The following RAPGEF2 variants were observed in gnomAD, a reference collection of about 807,000 sequenced individuals.
The protein encoded by RAPGEF2 is PDZ domain containing guanine nucleotide exchange factor (GEF) 1.
A neutral mutation model predicts 186.7 loss-of-function variants in RAPGEF2; 54 were observed. The ratio of observed to expected loss-of-function variants is 0.29; its 90% CI spans 0.23 to 0.36. The LOEUF is 0.36. Ranked by LOEUF, RAPGEF2 falls within the 10% of genes least tolerant of loss-of-function variation. The pLI, the probability that RAPGEF2 is intolerant of heterozygous loss-of-function variation, is 1.00. For synonymous variants in RAPGEF2, 712 were observed against 705.9 expected, an observed-to-expected ratio of 1.01 and a Z score of -0.14; for missense variants, 1,532 against 2,045.0, an observed-to-expected ratio of 0.75 and a Z score of 4.84.
rs376068202 is a variant in RAPGEF2 at position 159,296,893 on chromosome 4, C to T, written c.544-7449C>T. On this transcript the variant is annotated intron_variant, in intron 7 of 29. Coordinates refer to ENST00000691494, the MANE Select transcript of RAPGEF2 (RefSeq NM_001394067.2). Reference sequence around the variant, plus strand: ...TTTCTTTGAACATTCAATGGAAAAACCCTCCTAAAAGTATTTGCTTTGAAA... The same window carrying T: ...TTTCTTTGAACATTCAATGGAAAAATCCTCCTAAAAGTATTTGCTTTGAAA... Among the ~76,000 whole-genome samples the T allele has an allele frequency of 3.9e-5, 6 of 152,278 alleles. No individual in the cohort carries two copies. In the South Asian group the frequency reaches 8.3e-4, roughly 21 times the overall value.
chr4:159,302,338 A>AT (rs11412701), intron 7 of RAPGEF2, among the ~76,000 whole-genome samples: 92,571 of 151,846 alleles, frequency 0.61, 29,305 homozygotes, highest in African/African-American at 0.74. Context: ...TGACACGTTA[A>AT]TTTTTTTAAA....
chr4:159,317,836 T>C (rs2111128353), intron 9 of RAPGEF2, among the ~76,000 whole-genome samples: 1 of 152,374 alleles, frequency 6.6e-6, no homozygotes, highest in African/African-American at 2.4e-5. Context: ...ACGTTGCCTA[T>C]GAATAGATTG....
At chr4:159,152,689 C>T (rs938941176) in intron 1 of RAPGEF2, among the ~76,000 whole-genome samples, 1 of 152,186 alleles carries the variant, frequency 6.6e-6, no homozygotes, top group Non-Finnish European at 1.5e-5. Flanking sequence ...ACAATCTCGG[C>T]TCACTGCAAG....
At chr4:159,127,112 C>T (rs752038895) in intron 1 of RAPGEF2, among the ~76,000 whole-genome samples, 10 of 152,096 alleles carry the variant, frequency 6.6e-5, no homozygotes, top group African/African-American at 2.2e-4. Context: ...CTACAACCTC[C>T]GCCTCCTGGG....
At chr4:159,163,847 CA>C (rs1744976761) in intron 1 of RAPGEF2, among the ~76,000 whole-genome samples, 1 of 152,132 alleles carries the variant, frequency 6.6e-6, no homozygotes, top group Non-Finnish European at 1.5e-5. Flanking sequence ...AAAATCACAT[CA>C]GGGGTCTGTC....
chr4:159,118,211 C>T (rs1167793466), intron 1 of RAPGEF2, among the ~76,000 whole-genome samples: 9 of 152,124 alleles, frequency 5.9e-5, no homozygotes, highest in Admixed American at 5.9e-4. Context: ...CTGAGCTCCG[C>T]CTCCTGTCAG....
In RAPGEF2 at chr4:159,345,126, C is replaced by G; in HGVS notation, c.3299C>G (p.Thr1100Arg). The G allele has an allele frequency of 6.2e-7, 1 of 1,614,050 alleles. No homozygotes were observed. Among genetic ancestry groups the G allele is most frequent in the Non-Finnish European group, 8.5e-7 (1 of 1,179,940 alleles). The change falls in exon 24 of 30, where the codon ACA (threonine) becomes AGA (arginine). Residue 1100 changes from threonine (T) to arginine (R), a missense_variant. Thr to Arg is a moderately conservative substitution (Grantham distance 71). Around this residue, in one of 4 missense-constraint regions of RAPGEF2, gnomAD observed 117 missense variants for 180.8 expected, o/e 0.65. Coordinates refer to ENST00000691494, the MANE Select transcript of RAPGEF2 (RefSeq NM_001394067.2). ...TCCAGGTCTCTCAGCCAGGGTAGTACAAATGCAACAGTGCTAGATGTTGCT... is the reference window on the plus strand; with the variant it reads ...TCCAGGTCTCTCAGCCAGGGTAGTAGAAATGCAACAGTGCTAGATGTTGCT... ...RSLGSLSQGS[T>R]NATVLDVAQT...
intron 1 of RAPGEF2, among the ~76,000 whole-genome samples, chr4:159,158,640 CA>C (rs1236063690): frequency 2.7e-5 from 4 of 150,312 alleles, no homozygotes; most frequent in South Asian, 2.1e-4. Flanking sequence ...TGGTCGCAAA[CA>C]AAAAAAAAGT....
intron 7 of RAPGEF2, among the ~76,000 whole-genome samples, chr4:159,271,839 C>T (rs965225244): frequency 2.6e-5 from 4 of 152,174 alleles, no homozygotes; most frequent in South Asian, 2.1e-4. Context: ...ATAAAACTTT[C>T]ATTGCTTGGC....
chr4:159,285,886 C>T (rs1334569874), intron 7 of RAPGEF2, among the ~76,000 whole-genome samples: 1 of 151,944 alleles, frequency 6.6e-6, no homozygotes, highest in Admixed American at 6.6e-5. Context: ...AAAGTTTTGC[C>T]CACAAAATGA....
intron 4 of RAPGEF2, among the ~76,000 whole-genome samples, chr4:159,225,923 A>G (rs900820078): frequency 6.6e-6 from 1 of 152,188 alleles, no homozygotes; most frequent in African/African-American, 2.4e-5. Flanking sequence ...CTCCTAATCT[A>G]ACATGTGCCT....
At chr4:159,318,953 T>C (rs915632197) in intron 9 of RAPGEF2, among the ~76,000 whole-genome samples, 5 of 152,200 alleles carry the variant, frequency 3.3e-5, no homozygotes, top group Admixed American at 2.6e-4. Flanking sequence ...TAGTGTATCA[T>C]TCTAATAGGT....
intron 7 of RAPGEF2, among the ~76,000 whole-genome samples, chr4:159,293,588 G>A (rs1761524519): frequency 6.6e-6 from 1 of 152,188 alleles, no homozygotes; most frequent in Non-Finnish European, 1.5e-5. Flanking sequence ...TTTCACTGTG[G>A]AAGAATTTTC....
At chr4:159,347,336 T>G (rs531615681) in intron 25 of RAPGEF2, among the ~76,000 whole-genome samples, 1 of 152,380 alleles carries the variant, frequency 6.6e-6, no homozygotes, top group East Asian at 1.9e-4. Flanking sequence ...ACCAACAAAC[T>G]GCTGGGATTT....
intron 1 of RAPGEF2, among the ~76,000 whole-genome samples, chr4:159,141,297 C>T (rs1440402078): frequency 6.6e-6 from 1 of 152,130 alleles, no homozygotes; most frequent in South Asian, 2.1e-4. Context: ...ACTGGGCAGT[C>T]GTTTCATACA....
At chr4:159,181,004 G>A (rs1315466258) in intron 1 of RAPGEF2, among the ~76,000 whole-genome samples, 1 of 152,104 alleles carries the variant, frequency 6.6e-6, no homozygotes, top group African/African-American at 2.4e-5. Context: ...ATTATTCAAA[G>A]TATACATTCA....
At chr4:159,306,899 A>G (rs981460616) in intron 8 of RAPGEF2, among the ~76,000 whole-genome samples, 4 of 151,904 alleles carry the variant, frequency 2.6e-5, no homozygotes, top group South Asian at 2.1e-4. Flanking sequence ...ATAAATTTTT[A>G]TGATACTGAA....
At chr4:159,194,611 AC>A (rs1216457343) in intron 3 of RAPGEF2, among the ~76,000 whole-genome samples, 1 of 152,192 alleles carries the variant, frequency 6.6e-6, no homozygotes, top group Admixed American at 6.5e-5. Flanking sequence ...ACTTTAACAA[AC>A]CTTAAACACA....
intron 4 of RAPGEF2, among the ~76,000 whole-genome samples, chr4:159,238,311 A>C (rs1044350944): frequency 6.6e-6 from 1 of 152,218 alleles, no homozygotes; most frequent in Non-Finnish European, 1.5e-5. Context: ...TCTTTTTCTT[A>C]AAACATTTAG....
Sources: gnomAD v4.1 joint callset for allele counts (sites outside exome capture counted in the v4.1 genomes callset) on GRCh38, gnomAD v4.1.1 for gene constraint, gnomAD v4.1.1 regional missense constraint, MANE v1.5 for transcripts, NCBI Gene and HGNC (gene_info 2026-07-23, HGNC 2026-07-21) for gene names.